Variants in SDK1 observed in about 807,000 individuals in gnomAD.
SDK1 encodes the protein sidekick cell adhesion molecule 1.
In SDK1, 157 loss-of-function variants were observed where a neutral mutation model predicts 245.5. The ratio of observed to expected loss-of-function variants is 0.64; its 90% CI spans 0.56 to 0.73. The LOEUF is 0.73. Among genes scored for constraint, SDK1 ranks in the 30% least tolerant of loss-of-function variants. The pLI, the probability that SDK1 is intolerant of heterozygous loss-of-function variation, is 0.00. For missense variants in SDK1, 3,583 were observed against 3,002.3 expected (o/e 1.19, Z -4.52); for synonymous variants, 1,647 against 1,278.5 (o/e 1.29, Z -6.15).
At chr7:4,195,447 G>C (rs570061874) in intron 35 of SDK1, among the ~76,000 whole-genome samples, 2 of 152,020 alleles carry the variant, frequency 1.3e-5, no homozygotes, top group African/African-American at 2.4e-5. Flanking sequence ...CCTCCCCCAC[G>C]TCACTCTCCA....
At chr7:3,714,416 A>G (rs980316741) in intron 4 of SDK1, among the ~76,000 whole-genome samples, 3 of 152,196 alleles carry the variant, frequency 2.0e-5, no homozygotes, top group Non-Finnish European at 2.9e-5. Flanking sequence ...CAACCTGTCA[A>G]TTACCTGTTT....
chr7:3,580,268 T>C lies in SDK1; in HGVS notation c.299-38812T>C, dbSNP rs1780437684. On this transcript the variant is annotated intron_variant, in intron 1 of 44. Transcript: ENST00000404826. ...ATTCCTATCAAACTACCCATAACAT[T>C]CTTCACAAAACTGGAAATAACTATT... Among the ~76,000 whole-genome samples the C allele has an allele frequency of 2.0e-5, 3 of 152,162 alleles. No homozygotes were observed. In the South Asian group the frequency reaches 6.2e-4, roughly 32 times the overall value.
intron 1 of SDK1, among the ~76,000 whole-genome samples, chr7:3,496,659 G>A (rs908255876): frequency 1.3e-5 from 2 of 152,186 alleles, no homozygotes; most frequent in Non-Finnish European, 2.9e-5. Flanking sequence ...AGAGTTCATA[G>A]TGATTTTTAT....
intron 4 of SDK1, among the ~76,000 whole-genome samples, chr7:3,742,670 C>T (rs927170408): frequency 4.6e-5 from 7 of 152,206 alleles, no homozygotes; most frequent in African/African-American, 1.4e-4. Context: ...CCTCCTCCCA[C>T]CCCTTTCTGT....
chr7:4,007,109 C>T (rs552939496), intron 14 of SDK1, among the ~76,000 whole-genome samples: 11 of 152,158 alleles, frequency 7.2e-5, no homozygotes, highest in East Asian at 1.9e-4. Flanking sequence ...AAGGGATGGA[C>T]GAAGAGCTTT....
chr7:3,736,611 T>C (rs993235403), intron 4 of SDK1, among the ~76,000 whole-genome samples: 5 of 152,144 alleles, frequency 3.3e-5, no homozygotes, highest in African/African-American at 1.2e-4. Context: ...CCAGTTTAAT[T>C]CCTCTCTTCC....
intron 1 of SDK1, among the ~76,000 whole-genome samples, chr7:3,490,641 A>G (rs1424826321): frequency 1.3e-5 from 2 of 152,258 alleles, no homozygotes; most frequent in East Asian, 1.9e-4. Context: ...GAAGACCTGC[A>G]TGCTTAAACA....
intron 17 of SDK1, among the ~76,000 whole-genome samples, chr7:4,020,799 G>T (rs17330921): frequency 0.19 from 28,895 of 152,176 alleles, 3,103 homozygotes; most frequent in Middle Eastern, 0.26. Flanking sequence ...ACCTGTGCCC[G>T]TTCTGAGCCT....
chr7:3,321,032 G>C (rs1392827297), intron 1 of SDK1, among the ~76,000 whole-genome samples: 1 of 152,098 alleles, frequency 6.6e-6, no homozygotes, highest in Non-Finnish European at 1.5e-5. Flanking sequence ...TTTAACTTCT[G>C]CTAATATAAC....
At chr7:3,450,081 T>G (rs1780465833) in intron 1 of SDK1, among the ~76,000 whole-genome samples, 1 of 152,168 alleles carries the variant, frequency 6.6e-6, no homozygotes, top group Non-Finnish European at 1.5e-5. Flanking sequence ...GAGAGGAGCT[T>G]TCAACTAGGG....
intron 4 of SDK1, among the ~76,000 whole-genome samples, chr7:3,671,378 C>G (rs1007673266): frequency 2.0e-5 from 3 of 152,144 alleles, no homozygotes; most frequent in African/African-American, 7.2e-5. Context: ...TTTATAGTCA[C>G]AAATTTAAGA....
chr7:3,322,117 T>A (rs1779830639), intron 1 of SDK1, among the ~76,000 whole-genome samples: 1 of 151,898 alleles, frequency 6.6e-6, no homozygotes, highest in African/African-American at 2.4e-5. Flanking sequence ...TCACCACCTC[T>A]AGTTCCGGGA....
chr7:3,918,794 C>T (rs1358648177), intron 5 of SDK1, among the ~76,000 whole-genome samples: 1 of 152,122 alleles, frequency 6.6e-6, no homozygotes, highest in African/African-American at 2.4e-5. Context: ...ACCGGCGGTT[C>T]TACCGAGAGA....
intron 1 of SDK1, among the ~76,000 whole-genome samples, chr7:3,543,478 C>T (rs1035721541): frequency 1.3e-5 from 2 of 152,198 alleles, no homozygotes; most frequent in Non-Finnish European, 2.9e-5. Context: ...GGAGAGACTG[C>T]CTTCCTCATG....
At chr7:3,498,505 C>T (rs1000230782) in intron 1 of SDK1, among the ~76,000 whole-genome samples, 1 of 152,094 alleles carries the variant, frequency 6.6e-6, no homozygotes, top group African/African-American at 2.4e-5. Flanking sequence ...AACACATTGC[C>T]TAGTATATTG....
At chr7:4,098,329 C>A (rs1293763412) in intron 22 of SDK1, among the ~76,000 whole-genome samples, 1 of 152,182 alleles carries the variant, frequency 6.6e-6, no homozygotes, top group East Asian at 1.9e-4. Context: ...TCACAACCGT[C>A]AAACCAAATT....
At chr7:3,397,347 T>G (rs1778741493) in intron 1 of SDK1, among the ~76,000 whole-genome samples, 1 of 152,008 alleles carries the variant, frequency 6.6e-6, no homozygotes, top group Non-Finnish European at 1.5e-5. Flanking sequence ...GAAGTAATCC[T>G]TTAGTGTTTC....
At chr7:4,137,012 C>T (rs867924456) in intron 28 of SDK1, among the ~76,000 whole-genome samples, 6 of 152,230 alleles carry the variant, frequency 3.9e-5, no homozygotes, top group Non-Finnish European at 8.8e-5. Context: ...GCAGAGAGAT[C>T]GGCAGCACGT....
At chr7:3,513,771 C>G (rs76528131) in intron 1 of SDK1, among the ~76,000 whole-genome samples, 2 of 152,132 alleles carry the variant, frequency 1.3e-5, no homozygotes, top group Non-Finnish European at 2.9e-5. Flanking sequence ...GGTTTTATAA[C>G]TTTTCAGTCT....
Sources: allele counts gnomAD v4.1 joint callset (sites outside exome capture counted in the v4.1 genomes callset), GRCh38; gene constraint gnomAD v4.1.1; transcripts MANE v1.5; gene names NCBI Gene and HGNC (gene_info 2026-07-23, HGNC 2026-07-21).